CHRM3: variants seen among roughly 807,000 people sequenced by gnomAD.
CHRM3 encodes the protein cholinergic receptor muscarinic 3, also known as muscarinic acetylcholine receptor M3.
A neutral mutation model predicts 41.8 loss-of-function variants in CHRM3; 11 were observed. That is an observed-to-expected ratio of 0.26 (90% CI 0.17 to 0.44). The LOEUF is 0.44. CHRM3 is among the 20% of genes least tolerant of loss of function. The probability of loss-of-function intolerance (pLI) is 1.00; values close to 1 mark genes in which losing one functional copy is unlikely to be tolerated. For synonymous variants in CHRM3, 297 were observed against 301.4 expected (o/e 0.99, Z 0.15); for missense variants, 571 against 745.4 (o/e 0.77, Z 2.72).
chr1:239,872,285 A>G lies in CHRM3; in HGVS notation c.-19-35148A>G, dbSNP rs550196788. 4.6e-5 allele frequency among the ~76,000 whole-genome samples: 7 copies of G among 152,346 alleles called. No individual in the cohort carries two copies. The South Asian group carries it at 1.4e-3, about 32-fold the overall frequency. ...TTTTAGTTTTAGACTGAAACCCGAAAGGCCTTAGTTTTCATCTCTATAAAA... is the reference window on the plus strand; with the variant it reads ...TTTTAGTTTTAGACTGAAACCCGAAGGGCCTTAGTTTTCATCTCTATAAAA... On this transcript the variant is annotated intron_variant, in intron 6 of 6. Coordinates refer to ENST00000676153, the MANE Select transcript of CHRM3 (RefSeq NM_001375978.1).
intron 5 of CHRM3, among the ~76,000 whole-genome samples, chr1:239,810,130 C>T (rs1408003026): frequency 6.6e-6 from 1 of 152,132 alleles, no homozygotes; most frequent in Non-Finnish European, 1.5e-5. Context: ...AGAAGCTGAT[C>T]TGTGTGTTGC....
At chr1:239,418,594 CT>C (rs1021431232) in intron 1 of CHRM3, among the ~76,000 whole-genome samples, 1 of 152,084 alleles carries the variant, frequency 6.6e-6, no homozygotes, top group African/African-American at 2.4e-5. Context: ...TAATAGTTTT[CT>C]TTTTCACTTC....
At chr1:239,818,302 A>G (rs1339658688) in intron 5 of CHRM3, among the ~76,000 whole-genome samples, 1 of 152,130 alleles carries the variant, frequency 6.6e-6, no homozygotes, top group Non-Finnish European at 1.5e-5. Flanking sequence ...TTTAACCTTA[A>G]TTATCTCCCT....
chr1:239,697,208 T>C (rs1456338542), intron 5 of CHRM3, among the ~76,000 whole-genome samples: 1 of 151,972 alleles, frequency 6.6e-6, no homozygotes, highest in Non-Finnish European at 1.5e-5. Flanking sequence ...TGGTGGGAGG[T>C]AATTGAATCA....
At chr1:239,792,376 T>C (rs693948) in intron 5 of CHRM3, among the ~76,000 whole-genome samples, 68,712 of 151,980 alleles carry the variant, frequency 0.45, 16,944 homozygotes, top group African/African-American at 0.66. Flanking sequence ...TCAGAAGCAT[T>C]TAAGGTACAG....
intron 1 of CHRM3, among the ~76,000 whole-genome samples, chr1:239,424,647 A>G (rs1314434694): frequency 2.6e-5 from 4 of 152,216 alleles, no homozygotes; most frequent in African/African-American, 4.8e-5. Context: ...GCTCTGAGAC[A>G]GTCTGACTTG....
At chr1:239,618,619 C>T (rs545777682) in intron 3 of CHRM3, among the ~76,000 whole-genome samples, 1,972 of 151,360 alleles carry the variant, frequency 0.013, 45 homozygotes, top group African/African-American at 0.044. Flanking sequence ...CCAAGGCGGT[C>T]GGATCACGAG....
At chr1:239,457,144 A>T (rs925912078) in intron 1 of CHRM3, among the ~76,000 whole-genome samples, 3 of 152,064 alleles carry the variant, frequency 2.0e-5, no homozygotes, top group Non-Finnish European at 2.9e-5. Flanking sequence ...TGGAATCTAC[A>T]CTCAGGTCCC....
intron 3 of CHRM3, among the ~76,000 whole-genome samples, chr1:239,618,792 C>G (rs554839638): frequency 2.1e-5 from 3 of 139,670 alleles, no homozygotes; most frequent in South Asian, 2.4e-4. Flanking sequence ...TGCAGTGAGC[C>G]GAGATCGCGC....
At chr1:239,393,565 C>G (rs1163659408) in intron 1 of CHRM3, among the ~76,000 whole-genome samples, 1 of 152,172 alleles carries the variant, frequency 6.6e-6, no homozygotes, top group Non-Finnish European at 1.5e-5. Context: ...CTCCTTTCTT[C>G]TCTCCTCACC....
chr1:239,418,926 A>T (rs1661715890), intron 1 of CHRM3, among the ~76,000 whole-genome samples: 1 of 152,154 alleles, frequency 6.6e-6, no homozygotes, highest in South Asian at 2.1e-4. Context: ...GCCCACTTTG[A>T]GGAAAGACAA....
At chr1:239,824,441 A>G (rs967187269) in intron 5 of CHRM3, among the ~76,000 whole-genome samples, 2 of 152,214 alleles carry the variant, frequency 1.3e-5, no homozygotes, top group Non-Finnish European at 2.9e-5. Flanking sequence ...AATTTCATTT[A>G]TGGCTGGCAT....
intron 5 of CHRM3, among the ~76,000 whole-genome samples, chr1:239,810,285 G>T (rs563116752): frequency 6.6e-6 from 1 of 152,160 alleles, no homozygotes; most frequent in Non-Finnish European, 1.5e-5. Context: ...AATGCGGGGG[G>T]ACTTGAGGGC....
intron 3 of CHRM3, among the ~76,000 whole-genome samples, chr1:239,584,678 C>T (rs1322965610): frequency 2.0e-5 from 3 of 152,002 alleles, no homozygotes; most frequent in African/African-American, 7.2e-5. Context: ...GTAGAGGATT[C>T]GAGTCTTGGG....
intron 4 of CHRM3, among the ~76,000 whole-genome samples, chr1:239,634,326 C>CGA (rs1261680874): frequency 3.9e-5 from 5 of 127,596 alleles, no homozygotes; most frequent in South Asian, 4.9e-4. Flanking sequence ...ATAACAGAAA[C>CGA]GAGAGAGAGA....
intron 1 of CHRM3, among the ~76,000 whole-genome samples, chr1:239,482,950 C>G (rs1249288165): frequency 6.6e-6 from 1 of 152,138 alleles, no homozygotes; most frequent in African/African-American, 2.4e-5. Context: ...GCATTTTGCT[C>G]TCCCTCCTCC....
intron 5 of CHRM3, among the ~76,000 whole-genome samples, chr1:239,738,578 G>A (rs1356220993): frequency 6.6e-6 from 1 of 152,122 alleles, no homozygotes; most frequent in Admixed American, 6.6e-5. Flanking sequence ...CTGTCCTCTT[G>A]AGTAGATGCA....
At chr1:239,618,581 A>T (rs1486234099) in intron 3 of CHRM3, among the ~76,000 whole-genome samples, 1 of 151,894 alleles carries the variant, frequency 6.6e-6, no homozygotes, top group Non-Finnish European at 1.5e-5. Flanking sequence ...GCGGTGGCTC[A>T]CGCCTGTAAT....
At chr1:239,540,622 A>G (rs1164148793) in intron 2 of CHRM3, among the ~76,000 whole-genome samples, 6 of 152,172 alleles carry the variant, frequency 3.9e-5, no homozygotes, top group African/African-American at 1.4e-4. Context: ...AAATTGAGGA[A>G]CTTCAAATAA....
Sources: allele counts gnomAD v4.1 joint callset (sites outside exome capture counted in the v4.1 genomes callset), GRCh38; gene constraint gnomAD v4.1.1; transcripts MANE v1.5; gene names NCBI Gene and HGNC (gene_info 2026-07-23, HGNC 2026-07-21).